Variants in NCSTN observed in about 807,000 individuals in gnomAD.
The protein encoded by NCSTN is anterior pharynx-defective 2.
NCSTN carries 22 observed loss-of-function variants against 87.0 expected under a neutral mutation model. The observed-to-expected ratio is 0.25, with a 90% CI of 0.18 to 0.36. The LOEUF (loss-of-function observed/expected upper bound fraction) is 0.36. NCSTN is among the 10% of genes least tolerant of loss of function. The pLI, the probability that NCSTN is intolerant of heterozygous loss-of-function variation, is 1.00. For synonymous variants in NCSTN, 306 were observed against 327.1 expected, an observed-to-expected ratio of 0.94 and a Z score of 0.69; for missense variants, 693 against 883.3, an observed-to-expected ratio of 0.78 and a Z score of 2.73.
intron 1 of NCSTN, chr1:160,344,467 C>G: frequency 6.7e-7 from 1 of 1,482,250 alleles, no homozygotes; most frequent in South Asian, 1.3e-5. Context: ...CAAGTTTTCT[C>G]TCTTTTAGTG....
intron 6 of NCSTN, 93 bp from the exon 7 acceptor site, chr1:160,351,603 C>A: frequency 1.5e-6 from 2 of 1,314,102 alleles, no homozygotes; most frequent in Admixed American, 1.7e-5. Flanking sequence ...GACTTAGAGT[C>A]CGTGGGGCAC....
In NCSTN at chr1:160,358,363, T is replaced by C; in HGVS notation, c.*92T>C. On this transcript the variant is annotated 3_prime_UTR_variant, in exon 17 of 17. Transcript: ENST00000294785. ...CAACCACTAATTTGTCACTGGAACC[T>C]CCCTGGGCCTGTCTCAGATTGGGAT... 1 of 1,524,088 alleles carries C rather than the reference T, an allele frequency of 6.6e-7. No individual in the cohort carries two copies. The highest frequency in any genetic ancestry group is 1.1e-5 in the South Asian group (1 of 88,850). 94.4% of individuals were successfully genotyped at this position (1,524,088 alleles called of 1,614,324 possible). A position where few individuals can be genotyped will look rare whatever the true frequency, so the allele number is the denominator to read the frequency against.
rs779921132 is a variant in NCSTN, at chr1:160,355,716, A to T, written c.1414A>T (p.Ser472Cys). 6 of 1,614,224 alleles carry T rather than the reference A, an allele frequency of 3.7e-6. No individual in the cohort carries two copies. The South Asian group carries it at 6.6e-5, about 18-fold the overall frequency. The change falls in exon 12 of 17, where the codon AGC becomes TGC. Residue 472 changes from serine (S) to cysteine (C), a missense_variant. Ser to Cys is a moderately radical substitution (Grantham distance 112). Around this residue, in one of 4 missense-constraint regions of NCSTN, gnomAD observed 216 missense variants for 311.7 expected, o/e 0.69. Coordinates refer to ENST00000294785, the MANE Select transcript of NCSTN (RefSeq NM_015331.3). ...NINVSYPEWL[S>C]PEEDLNFVTD... ...TAATGTGAGCTATCCCGAATGGCTG[A>T]GCCCTGAAGAGGACCTGAACTTTGT... is the stretch of plus-strand genomic sequence containing the variant.
Position 160,351,790 on chromosome 1 carries a change from G to T in NCSTN, c.828G>T (p.Val276=), listed in dbSNP as rs754694506. The T allele has an allele frequency of 6.2e-7, 1 of 1,610,278 alleles. No individual in the cohort carries two copies. The highest frequency in any genetic ancestry group is 8.5e-7 in the Non-Finnish European group (1 of 1,176,478). Residue 276 remains valine, a synonymous_variant, in exon 7 of 17, where the codon GTG becomes GTT. Transcript: ENST00000294785. Reference sequence around the variant, plus strand: ...CATTAAAGCCTGACGACAGGGTTGTGGTTGCTGCCACCCGGGTGAGTGTTG... The same window carrying T: ...CATTAAAGCCTGACGACAGGGTTGTTGTTGCTGCCACCCGGGTGAGTGTTG... ...TGTLKPDDRV[V]VAATRLDSRS...
At position 160,354,224 on chromosome 1, in the gene NCSTN, G is replaced by A. The variant is rs1413058091; in HGVS notation, c.1286G>A (p.Arg429Gln). Reference protein sequence around the residue: ...SQPLPPSSLQRFLRARNISGV... With the variant: ...SQPLPPSSLQQFLRARNISGV... ...CCTCTCCCACCATCTTCCCTGCAGC[G>A]ATTTCTTCGAGCTCGAAACATCTCT... Residue 429 changes from arginine (R) to glutamine (Q), a missense_variant, in exon 11 of 17, where the codon CGA becomes CAA. Transcript: ENST00000294785. 3.7e-6 allele frequency: 6 copies of A among 1,614,140 alleles called. No individual in the cohort carries two copies. The highest frequency in any genetic ancestry group is 3.3e-4 in the Middle Eastern group (2 of 6,062).
chr1:160,344,637 C>G (rs757197614), intron 1 of NCSTN, 85 bp from the exon 2 acceptor site: 1 of 1,579,282 alleles, frequency 6.3e-7, no homozygotes, highest in Non-Finnish European at 8.6e-7. Flanking sequence ...ATGATTTACC[C>G]AAGCCATACT....
Position 160,354,252 on chromosome 1 carries a change from C to T in NCSTN, c.1314C>T (p.Gly438=), listed in dbSNP as rs61748944. ...TTCTTCGAGCTCGAAACATCTCTGG[C>T]GTTGTTCTGGCTGACCACTCTGGTG... ...QRFLRARNIS[G]VVLADHSGAF... is the part of the protein sequence containing the mutation. The change falls in exon 11 of 17, where the codon GGC becomes GGT. Residue 438 remains glycine, a synonymous_variant. Transcript: ENST00000294785. 1.7e-3 allele frequency: 2,679 copies of T among 1,614,126 alleles called. 40 individuals carry two copies. In the African/African-American group the frequency reaches 0.03, roughly 18 times the overall value.
chr1:160,352,831 G>T (rs1321089727), intron 8 of NCSTN, 56 bp from the exon 9 acceptor site: 1 of 1,404,618 alleles, frequency 7.1e-7, no homozygotes, highest in Non-Finnish European at 1.0e-6. Flanking sequence ...CGCCTTCGAG[G>T]CTCTCCTAAC....
chr1:160,356,264 C>T lies in NCSTN; in HGVS notation c.1556C>T (p.Thr519Ile). ...TCTTTACTGTTCCAATCCTAGGTTA[C>T]CCGCCTGCTCTATGGGTTCCTGATT... ...DTVQADPQTV[T>I]RLLYGFLIKA... The change falls in exon 14 of 17, where the codon ACC becomes ATC. Residue 519 changes from threonine to isoleucine, a missense_variant. Physicochemically the swap from Thr to Ile is moderately conservative, Grantham distance 89 (BLOSUM62 -1). Coordinates refer to ENST00000294785, the MANE Select transcript of NCSTN (RefSeq NM_015331.3). The T allele has an allele frequency of 1.2e-6, 2 of 1,611,308 alleles. No individual in the cohort carries two copies. The highest frequency in any genetic ancestry group is 1.3e-5 in the African/African-American group (1 of 74,990).
At position 160,352,041 on chromosome 1, in the gene NCSTN, C is replaced by T. The variant is rs751121713; in HGVS notation, c.844-13C>T. The T allele has an allele frequency of 1.2e-6, 2 of 1,614,088 alleles. No individual in the cohort carries two copies. Among genetic ancestry groups the T allele is most frequent in the Non-Finnish European group, 8.5e-7 (1 of 1,179,934 alleles). On this transcript the variant is annotated splice_polypyrimidine_tract_variant and intron_variant, in intron 7 of 16. Transcript: ENST00000294785. ...AAGTATATATCCCCTGACTTTTCTT[C>T]TGTTGTACCTAGCTGGATAGTCGTT... is the stretch of plus-strand genomic sequence containing the variant.
chr1:160,345,010 C>T lies in NCSTN; in HGVS notation c.190+184C>T. ...AAGAACTAACATTTAGTAAATGCTG[C>T]ATACCAAGCTTTTTACATGTGCATC... On this transcript the variant is annotated intron_variant, in intron 2 of 16. Transcript: ENST00000294785. 4 of 661,722 alleles carry T rather than the reference C, an allele frequency of 6.0e-6. No homozygotes were observed. In the South Asian group the frequency reaches 6.8e-5, roughly 11 times the overall value. The allele number at this position is 661,722 out of a possible 1,614,324, so 41.0% of individuals were successfully genotyped here.
chr1:160,357,603 A>G (rs1179879247), intron 16 of NCSTN, among the ~76,000 whole-genome samples: 1 of 152,152 alleles, frequency 6.6e-6, no homozygotes, highest in Non-Finnish European at 1.5e-5. Context: ...GATGGGTTTC[A>G]CCATGTTGGT....
chr1:160,349,448 T>C (rs751874869), intron 3 of NCSTN, 101 bp from the exon 4 acceptor site: 4 of 1,474,730 alleles, frequency 2.7e-6, no homozygotes, highest in Non-Finnish European at 3.8e-6. Flanking sequence ...AGTCAACAGT[T>C]TGATTCCCCT....
intron 2 of NCSTN, among the ~76,000 whole-genome samples, chr1:160,347,172 G>A (rs897670836): frequency 3.3e-5 from 5 of 152,210 alleles, no homozygotes; most frequent in African/African-American, 4.8e-5. Context: ...CGGGACTGTG[G>A]CCACTTCCTC....
At chr1:160,351,950 T>G (rs1275784702) in intron 7 of NCSTN, 104 bp from the exon 8 acceptor site, 1 of 1,522,790 alleles carries the variant, frequency 6.6e-7, no homozygotes, top group East Asian at 2.3e-5. Context: ...CTGGGTTGTC[T>G]CCATTGCCAC....
intron 5 of NCSTN, 95 bp downstream of exon 5, chr1:160,350,345 G>T: frequency 6.9e-7 from 1 of 1,440,732 alleles, no homozygotes; most frequent in Non-Finnish European, 9.6e-7. Flanking sequence ...CCAGCCACCC[G>T]GGAGGCTGAG....
chr1:160,349,986 G>T (rs1648747265), intron 4 of NCSTN, 119 bp from the exon 5 acceptor site: 2 of 1,263,396 alleles, frequency 1.6e-6, no homozygotes, highest in South Asian at 2.4e-5. Context: ...CTACTTCTTT[G>T]AGTCACCACC....
chr1:160,355,764 C>T lies in NCSTN; in HGVS notation c.1455+7C>T. ...TGTAACAGACACTGCCAAGGTAGCA[C>T]TGAGCCAGGCTGGGTGGGAGCCTGG... On this transcript the variant is annotated splice_region_variant and intron_variant, in intron 12 of 16. Coordinates refer to ENST00000294785, the MANE Select transcript of NCSTN (RefSeq NM_015331.3). 1 of 1,611,462 alleles carries T rather than the reference C, an allele frequency of 6.2e-7. No individual in the cohort carries two copies. Among genetic ancestry groups the T allele is most frequent in the Non-Finnish European group, 8.5e-7 (1 of 1,177,508 alleles).
chr1:160,354,361 C>A, intron 11 of NCSTN, 71 bp downstream of exon 11: 2 of 1,524,374 alleles, frequency 1.3e-6, no homozygotes, highest in South Asian at 1.1e-5. Flanking sequence ...GGAGGAAGGT[C>A]ACTGCCCTCC....
Sources: gnomAD v4.1 joint callset for allele counts (sites outside exome capture counted in the v4.1 genomes callset) on GRCh38, gnomAD v4.1.1 for gene constraint, gnomAD v4.1.1 regional missense constraint, MANE v1.5 for transcripts, NCBI Gene and HGNC (gene_info 2026-07-23, HGNC 2026-07-21) for gene names.